Variants in SMARCD3 observed in about 807,000 individuals in gnomAD.
The protein encoded by SMARCD3 is SWI/SNF-related matrix-associated actin-dependent regulator of chromatin subfamily D member 3.
Under a neutral mutation model 58.0 loss-of-function variants are expected in SMARCD3, and 14 were observed. That is an observed-to-expected ratio of 0.24 (90% CI 0.16 to 0.38). The LOEUF (loss-of-function observed/expected upper bound fraction) is 0.38, where lower values mean the gene tolerates loss of function less well. Among genes scored for constraint, SMARCD3 ranks in the 10% least tolerant of loss-of-function variants. SMARCD3 has a pLI of 1.00. For synonymous variants in SMARCD3, 253 were observed against 253.8 expected (o/e 1.00, Z 0.03); for missense variants, 408 against 636.9 (o/e 0.64, Z 3.87).
At chr7:151,249,243 G>T (rs1373478682), upstream of SMARCD3, 5 of 152,198 alleles carry the variant, frequency 3.3e-5, no homozygotes, top group East Asian at 9.7e-4. The surrounding 1 kb of genome is among the most constrained non-coding windows in gnomAD (Gnocchi z 4.8). Context: ...GCGGCGGTGG[G>T]TGTGCCCGGG....
rs1250938549 is a variant in SMARCD3, at chr7:151,245,151, AG to A, written c.290+308del. 6.6e-6 allele frequency among the ~76,000 whole-genome samples: 1 copy of A among 152,002 alleles called. No individual in the cohort carries two copies. The highest frequency in any genetic ancestry group is 2.4e-5 in the African/African-American group (1 of 41,362). ...GCCCCGCCCCCACCCCAAAGACTGA[AG>A]CATCACCCAGAACCTGATGGGTGGA... On this transcript the variant is annotated intron_variant, in intron 2 of 12. Transcript: ENST00000262188. The surrounding 1 kb of genome is among the most constrained non-coding windows in gnomAD (Gnocchi z 6.2).
upstream of SMARCD3, among the ~76,000 whole-genome samples, chr7:151,251,719 CCGCCCGG>C (rs371135686): frequency 3.3e-5 from 5 of 152,108 alleles, no homozygotes; most frequent in Non-Finnish European, 5.9e-5. Context: ...GCGAGGGCGG[CCGCCCGG>C]CGCCCGGCGC....
In SMARCD3 at chr7:151,245,489, C is replaced by T. The variant is rs908334161; in HGVS notation, c.261G>A (p.Pro87=). 4 of 1,224,570 alleles carry T rather than the reference C, an allele frequency of 3.3e-6. No homozygotes were observed. Among genetic ancestry groups the T allele is most frequent in the Middle Eastern group, 3.2e-4 (1 of 3,168 alleles). 75.9% of individuals were successfully genotyped at this position (1,224,570 alleles called of 1,614,324 possible). ...GGCTCCGCGCGGGGGCGGTGGGCACCGGCTGGCCCTGGCTCTGTGCCTGGC... is the reference window on the plus strand; with the variant it reads ...GGCTCCGCGCGGGGGCGGTGGGCACTGGCTGGCCCTGGCTCTGTGCCTGGC... ...GQSQAQSQGQ[P]VPTAPARSRS... Residue 87 remains proline, a synonymous_variant, in exon 2 of 13, where the codon CCG becomes CCA. Transcript: ENST00000262188. The surrounding 1 kb of genome is among the most constrained non-coding windows in gnomAD (Gnocchi z 6.2).
chr7:151,246,900 G>C lies in SMARCD3; in HGVS notation c.79-1229C>G, dbSNP rs1220951416. On this transcript the variant is annotated intron_variant, in intron 1 of 12. Transcript: ENST00000262188. This position sits in a 1 kb window ranked among gnomAD's most constrained non-coding sequence, Gnocchi z 4.4. ...GGCAGGGGATGCAGACCCTGGCACT[G>C]TTAACATGGACACACCACCCACCTC... Among the ~76,000 whole-genome samples, 1 of 152,114 alleles carries C rather than the reference G, an allele frequency of 6.6e-6. No homozygotes were observed. Among genetic ancestry groups the C allele is most frequent in the Admixed American group, 6.5e-5 (1 of 15,276 alleles).
intron 2 of SMARCD3, among the ~76,000 whole-genome samples, chr7:151,257,368 A>C (rs1414561952): frequency 6.6e-6 from 1 of 152,184 alleles, no homozygotes; most frequent in Non-Finnish European, 1.5e-5. Context: ...GGTAGCCTCC[A>C]CATTGGCAAA....
chr7:151,239,315 G>T lies in SMARCD3; in HGVS notation c.1398+81C>A. ...GTGAAGCTTTACTGTGGGGAGCTGC[G>T]AGGGCTGCCCACAAGCTGAACAGGG... is the stretch of plus-strand genomic sequence containing the variant. On this transcript the variant is annotated intron_variant, in intron 12 of 12. Transcript: ENST00000262188. This position sits in a 1 kb window ranked among gnomAD's most constrained non-coding sequence, Gnocchi z 7.0. The T allele has an allele frequency of 7.4e-7, 1 of 1,350,488 alleles. No homozygotes were observed. 83.7% of individuals were successfully genotyped at this position (1,350,488 alleles called of 1,614,324 possible).
At chr7:151,257,257 GA>G (rs769084811) in intron 2 of SMARCD3, among the ~76,000 whole-genome samples, 19 of 152,206 alleles carry the variant, frequency 1.2e-4, no homozygotes, top group Non-Finnish European at 2.1e-4. Flanking sequence ...CAAAACTTCT[GA>G]AAAGAGTTGT....
chr7:151,272,205 G>A (rs978575872), intron 2 of SMARCD3, among the ~76,000 whole-genome samples: 2 of 152,050 alleles, frequency 1.3e-5, no homozygotes, highest in African/African-American at 2.4e-5. Context: ...CAGAAATCAC[G>A]TGATTTGAGC....
chr7:151,267,031 G>C (rs747205859), intron 2 of SMARCD3, among the ~76,000 whole-genome samples: 4 of 152,146 alleles, frequency 2.6e-5, no homozygotes, highest in Non-Finnish European at 4.4e-5. Context: ...TATACCACAG[G>C]AATTGGCGAA....
chr7:151,259,591 C>T (rs1423509552), intron 2 of SMARCD3, among the ~76,000 whole-genome samples: 1 of 135,164 alleles, frequency 7.4e-6, no homozygotes, highest in African/African-American at 2.9e-5. Context: ...GCTGAGGTTA[C>T]AACCTGAGAG....
chr7:151,269,354 G>A (rs1348965136), intron 2 of SMARCD3, among the ~76,000 whole-genome samples: 1 of 152,180 alleles, frequency 6.6e-6, no homozygotes, highest in Non-Finnish European at 1.5e-5. Flanking sequence ...ACACCCTCGA[G>A]TCCCCTGCTG....
rs371937113 is a variant in SMARCD3, at chr7:151,243,798, G to A, written c.291-97C>T. The A allele has an allele frequency of 8.9e-6, 8 of 897,778 alleles. No individual in the cohort carries two copies. The highest frequency in any genetic ancestry group is 2.4e-5 in the East Asian group (1 of 41,732). The allele number at this position is 897,778 out of a possible 1,614,324, so 55.6% of individuals were successfully genotyped here. ...ATTATCCCGACATCTCCGCCCGCCT[G>A]GCTGGGGTTCCCACAGCCCACTTGT... is the stretch of plus-strand genomic sequence containing the variant. On this transcript the variant is annotated intron_variant, in intron 2 of 12. Coordinates refer to ENST00000262188, the MANE Select transcript of SMARCD3 (RefSeq NM_001003801.2). The surrounding 1 kb of genome is among the most constrained non-coding windows in gnomAD (Gnocchi z 4.4).
Position 151,242,077 on chromosome 7 carries a change from TC to T in SMARCD3, c.675+59del. 6.5e-7 allele frequency: 1 copy of T among 1,545,554 alleles called. No homozygotes were observed. Among genetic ancestry groups the T allele is most frequent in the Non-Finnish European group, 8.9e-7 (1 of 1,117,816 alleles). ...CCTGACCCAAATCTGTGCTGGTTCTTCAGGGATTCTGGCCTGTGGGAGGGTG... is the reference window on the plus strand; with the variant it reads ...CCTGACCCAAATCTGTGCTGGTTCTTAGGGATTCTGGCCTGTGGGAGGGTG... On this transcript the variant is annotated intron_variant, in intron 6 of 12. Coordinates refer to ENST00000262188, the MANE Select transcript of SMARCD3 (RefSeq NM_001003801.2). The surrounding 1 kb of genome is among the most constrained non-coding windows in gnomAD (Gnocchi z 4.7).
At chr7:151,272,361 T>G (rs1795201703) in intron 2 of SMARCD3, among the ~76,000 whole-genome samples, 1 of 152,200 alleles carries the variant, frequency 6.6e-6, no homozygotes, top group Admixed American at 6.5e-5. Flanking sequence ...ACTCTATCTC[T>G]GTCTCAGTTT....
chr7:151,264,290 A>T (rs1804013883), intron 2 of SMARCD3, among the ~76,000 whole-genome samples: 1 of 151,950 alleles, frequency 6.6e-6, no homozygotes, highest in Non-Finnish European at 1.5e-5. Flanking sequence ...AACTCCTGAC[A>T]TCAAGTGATC....
chr7:151,244,793 CTAAA>C (rs1356432747), intron 2 of SMARCD3, among the ~76,000 whole-genome samples: 1 of 152,164 alleles, frequency 6.6e-6, no homozygotes. Flanking sequence ...GTGTATTTGG[CTAAA>C]TACTGAAACC....
chr7:151,259,494 G>A (rs1318260044), intron 2 of SMARCD3, among the ~76,000 whole-genome samples: 19 of 150,592 alleles, frequency 1.3e-4, no homozygotes, highest in Non-Finnish European at 2.2e-4. Flanking sequence ...CTGGCACATG[G>A]CAGAACCTCC....
chr7:151,275,880 A>G (rs1795323944), intron 1 of SMARCD3, among the ~76,000 whole-genome samples: 1 of 152,166 alleles, frequency 6.6e-6, no homozygotes, highest in Non-Finnish European at 1.5e-5. Context: ...GGAGCTAAGA[A>G]GAGAGCAGTG....
At chr7:151,273,293 C>T (rs1795235515) in intron 2 of SMARCD3, among the ~76,000 whole-genome samples, 1 of 152,248 alleles carries the variant, frequency 6.6e-6, no homozygotes. Context: ...CTCCTCTGCC[C>T]TCCTTCCCCT....
Sources: allele counts gnomAD v4.1 joint callset (sites outside exome capture counted in the v4.1 genomes callset), GRCh38; gene constraint gnomAD v4.1.1; non-coding constraint Gnocchi (gnomAD v3.1); transcripts MANE v1.5; gene names NCBI Gene and HGNC (gene_info 2026-07-23, HGNC 2026-07-21).